The following LARP1B variants were observed in gnomAD, a reference collection of about 807,000 sequenced individuals.
LARP1B encodes the protein La ribonucleoprotein 1B.
In LARP1B, 76 loss-of-function variants were observed where a neutral mutation model predicts 114.2. The observed-to-expected ratio is 0.67, with a 90% CI of 0.55 to 0.81. The LOEUF is 0.81. Among genes scored for constraint, LARP1B ranks in the 30% least tolerant of loss-of-function variants. LARP1B has a pLI of 0.00. For missense variants in LARP1B, 1,014 were observed against 1,075.8 expected, an observed-to-expected ratio of 0.94 and a Z score of 0.80; for synonymous variants, 345 against 348.0, an observed-to-expected ratio of 0.99 and a Z score of 0.10.
chr4:128,209,891 TTCCTC>T lies in LARP1B; in HGVS notation c.2585_2589del (p.Ser862TyrfsTer4). 1 of 1,613,976 alleles carries T rather than the reference TTCCTC, an allele frequency of 6.2e-7. No individual in the cohort carries two copies. The highest frequency in any genetic ancestry group is 1.7e-5 in the Admixed American group (1 of 60,014). ...GTGATGAATTTGGAAGAAAAAGACA[TTCCTC>T]TACTTCTGGTGAGGAGAGTAATCGT... is the stretch of plus-strand genomic sequence containing the variant. On this transcript the variant is annotated frameshift_variant, in exon 20 of 20. Coordinates refer to ENST00000326639, the MANE Select transcript of LARP1B (RefSeq NM_018078.4). LOFTEE classifies it low-confidence loss of function (END_TRUNC).
intron 1 of LARP1B, among the ~76,000 whole-genome samples, chr4:128,065,360 C>CTT (rs1193412334): frequency 8.5e-6 from 1 of 118,160 alleles, no homozygotes; most frequent in Non-Finnish European, 1.8e-5. Context: ...CTTTTCTTTT[C>CTT]TTTTCTTTTC....
chr4:128,141,118 G>A (rs1260851427), intron 11 of LARP1B, among the ~76,000 whole-genome samples: 1 of 151,918 alleles, frequency 6.6e-6, no homozygotes, highest in African/African-American at 2.4e-5. Flanking sequence ...CTGGCCAATT[G>A]TCTCTGCTTT....
At chr4:128,161,037 G>A (rs1738231715) in intron 11 of LARP1B, among the ~76,000 whole-genome samples, 1 of 152,160 alleles carries the variant, frequency 6.6e-6, no homozygotes, top group Admixed American at 6.6e-5. Context: ...ACCCGCTTTG[G>A]ATGTTGCCCT....
At chr4:128,220,946 A>G (rs772897770) in intron 7 of LARP1B, among the ~76,000 whole-genome samples, 9 of 152,258 alleles carry the variant, frequency 5.9e-5, no homozygotes, top group African/African-American at 2.2e-4. Context: ...TTCAGAGCCC[A>G]GGCTCTTCAT....
chr4:128,203,325 C>G (rs1391993637), intron 17 of LARP1B, among the ~76,000 whole-genome samples: 9 of 134,908 alleles, frequency 6.7e-5, no homozygotes, highest in Non-Finnish European at 1.3e-4. Flanking sequence ...CTCTCTCCCT[C>G]CCTCCCTCCC....
chr4:128,179,374 C>G, intron 14 of LARP1B, 32 bp from the exon 15 acceptor site: 1 of 1,397,996 alleles, frequency 7.2e-7, no homozygotes. Flanking sequence ...ACTATTGAAA[C>G]TAATTGCAAT....
chr4:128,114,453 G>C, intron 9 of LARP1B, 117 bp from the exon 10 acceptor site: 1 of 738,432 alleles, frequency 1.4e-6, no homozygotes, highest in East Asian at 2.7e-5. Flanking sequence ...TTACAGTTGA[G>C]ACTGATCATG....
intron 10 of LARP1B, among the ~76,000 whole-genome samples, chr4:128,121,113 G>T (rs1787825151): frequency 6.6e-6 from 1 of 152,210 alleles, no homozygotes; most frequent in Admixed American, 6.5e-5. Flanking sequence ...CTGGCCTGAG[G>T]GGTAGACATT....
intron 5 of LARP1B, among the ~76,000 whole-genome samples, chr4:128,086,366 GTCTTCC>G (rs757252257): frequency 6.6e-6 from 1 of 151,766 alleles, no homozygotes; most frequent in Non-Finnish European, 1.5e-5. Flanking sequence ...GTCTCACTCT[GTCTTCC>G]AGGCTAAGTG....
At chr4:128,169,673 G>C (rs542266158) in intron 12 of LARP1B, among the ~76,000 whole-genome samples, 114 of 151,984 alleles carry the variant, frequency 7.5e-4, no homozygotes, top group Admixed American at 2.6e-3. Flanking sequence ...GTCTCGCCCT[G>C]TCGCCCAGGC....
intron 15 of LARP1B, among the ~76,000 whole-genome samples, chr4:128,193,534 T>C (rs1578567629): frequency 6.6e-6 from 1 of 152,218 alleles, no homozygotes; most frequent in Non-Finnish European, 1.5e-5. Flanking sequence ...ATTACATATA[T>C]GTTAGACCAT....
chr4:128,115,617 A>G (rs1368929905), intron 10 of LARP1B, among the ~76,000 whole-genome samples: 1 of 152,166 alleles, frequency 6.6e-6, no homozygotes, highest in Non-Finnish European at 1.5e-5. Context: ...ACTAATTTTA[A>G]CTTGAATAAT....
At chr4:128,117,467 C>A (rs1786270182) in intron 10 of LARP1B, among the ~76,000 whole-genome samples, 1 of 152,152 alleles carries the variant, frequency 6.6e-6, no homozygotes, top group South Asian at 2.1e-4. Context: ...CTCTGTACAA[C>A]TTTCCCCTCC....
chr4:128,069,062 C>A, intron 1 of LARP1B: 1 of 1,012,114 alleles, frequency 9.9e-7, no homozygotes, highest in Non-Finnish European at 1.5e-6. Flanking sequence ...TCCAAGCTCC[C>A]TGGTGAGAAC....
intron 15 of LARP1B, among the ~76,000 whole-genome samples, chr4:128,189,212 C>T (rs1278435331): frequency 1.4e-5 from 2 of 137,994 alleles, no homozygotes; most frequent in Non-Finnish European, 3.0e-5. Flanking sequence ...GTTACAGCCT[C>T]TTGCTGAATT....
intron 11 of LARP1B, among the ~76,000 whole-genome samples, chr4:128,127,378 A>G (rs1310451764): frequency 6.6e-6 from 1 of 152,240 alleles, no homozygotes; most frequent in Non-Finnish European, 1.5e-5. Context: ...CAGTAAATGA[A>G]TCTAATATTT....
rs1785547107 is a variant in LARP1B at position 128,115,691 on chromosome 4, G to A, written c.1161+949G>A. ...ATTTTTTGAGACAGAGTCTCGCTCT[G>A]TCGCCCAGGCTGGGGTGCTGTTGCT... is the stretch of plus-strand genomic sequence containing the variant. On this transcript the variant is annotated intron_variant, in intron 10 of 19. Transcript: ENST00000326639. Among the ~76,000 whole-genome samples the A allele has an allele frequency of 2.0e-5, 3 of 152,188 alleles. No homozygotes were observed. In the South Asian group the frequency reaches 6.2e-4, roughly 32 times the overall value.
chr4:128,099,450 C>A (rs947905873), intron 8 of LARP1B, among the ~76,000 whole-genome samples: 1 of 151,942 alleles, frequency 6.6e-6, no homozygotes, highest in Admixed American at 6.6e-5. Flanking sequence ...CCATACCCAG[C>A]TAATTTTTGT....
At chr4:128,193,897 C>A (rs1753120053) in intron 15 of LARP1B, among the ~76,000 whole-genome samples, 1 of 152,096 alleles carries the variant, frequency 6.6e-6, no homozygotes, top group African/African-American at 2.4e-5. Context: ...GGATTACAGG[C>A]GTGAGCCACT....
Sources: allele counts gnomAD v4.1 joint callset (sites outside exome capture counted in the v4.1 genomes callset), GRCh38; gene constraint gnomAD v4.1.1; transcripts MANE v1.5; gene names NCBI Gene and HGNC (gene_info 2026-07-23, HGNC 2026-07-21).